The following TBC1D31 variants were observed in gnomAD, a reference collection of about 807,000 sequenced individuals.
The protein encoded by TBC1D31 is TBC1 domain family member 31.
Under a neutral mutation model 132.9 loss-of-function variants are expected in TBC1D31, and 99 were observed. The ratio of observed to expected loss-of-function variants is 0.74; its 90% CI spans 0.63 to 0.88. TBC1D31 has a LOEUF of 0.88. TBC1D31 is among the 40% of genes least tolerant of loss of function. TBC1D31 has a pLI of 0.00. For synonymous variants in TBC1D31, 385 were observed against 419.4 expected (o/e 0.92, Z 1.00); for missense variants, 1,134 against 1,256.6 (o/e 0.90, Z 1.48).
chr8:123,109,767 A>G (rs1311008826), intron 10 of TBC1D31, 147 bp downstream of exon 10: 3 of 684,374 alleles, frequency 4.4e-6, no homozygotes, highest in South Asian at 4.6e-5. Flanking sequence ...GTACATGCAC[A>G]TATATTACAT....
rs993036771 is a variant in TBC1D31 at position 123,128,443 on chromosome 8, T to C, written c.2047T>C (p.Phe683Leu). ...TCCAGTATTTAATCAATATCCAAAG[T>C]TTATTGTGGACTATCAAACACAGGA... ...QYPVFNQYPK[F>L]IVDYQTQERE... The change falls in exon 14 of 22, where the codon TTT becomes CTT. Residue 683 changes from phenylalanine (F) to leucine (L), a missense_variant. Coordinates refer to ENST00000287380, the MANE Select transcript of TBC1D31 (RefSeq NM_145647.4). The C allele has an allele frequency of 6.2e-7, 1 of 1,613,806 alleles. No homozygotes were observed. The highest frequency in any genetic ancestry group is 8.5e-7 in the Non-Finnish European group (1 of 1,179,858).
chr8:123,121,541 C>T (rs1586674429), intron 11 of TBC1D31, among the ~76,000 whole-genome samples: 2 of 152,196 alleles, frequency 1.3e-5, no homozygotes, highest in East Asian at 3.9e-4. Context: ...CGAGTTCTCG[C>T]TCAGTTAGTT....
chr8:123,144,204 CT>C (rs1335507101), intron 19 of TBC1D31, among the ~76,000 whole-genome samples: 2 of 151,946 alleles, frequency 1.3e-5, no homozygotes, highest in Non-Finnish European at 2.9e-5. Flanking sequence ...TTTTAGTTAC[CT>C]TCTGAGCTAA....
chr8:123,095,426 A>C (rs1415768795), intron 5 of TBC1D31, among the ~76,000 whole-genome samples: 1 of 152,228 alleles, frequency 6.6e-6, no homozygotes, highest in Non-Finnish European at 1.5e-5. Flanking sequence ...GTACAGTTGT[A>C]AAGGAAAGGC....
At chr8:123,116,892 A>G (rs1818966979) in intron 10 of TBC1D31, among the ~76,000 whole-genome samples, 1 of 152,228 alleles carries the variant, frequency 6.6e-6, no homozygotes, top group African/African-American at 2.4e-5. Flanking sequence ...TAAAGATATA[A>G]ATGAGGGAGA....
At chr8:123,119,531 T>A (rs1283007979) in intron 10 of TBC1D31, among the ~76,000 whole-genome samples, 1 of 152,130 alleles carries the variant, frequency 6.6e-6, no homozygotes, top group Admixed American at 6.6e-5. Context: ...GGTAATATAG[T>A]GAGACCCTGT....
chr8:123,093,001 G>A (rs984099014), intron 4 of TBC1D31, among the ~76,000 whole-genome samples: 1 of 151,734 alleles, frequency 6.6e-6, no homozygotes. Flanking sequence ...TAATAGAGAC[G>A]AGGTTTCACC....
At chr8:123,125,499 A>G (rs143171213) in intron 11 of TBC1D31, among the ~76,000 whole-genome samples, 14 of 152,360 alleles carry the variant, frequency 9.2e-5, no homozygotes, top group African/African-American at 2.4e-4. Context: ...TACCATGCTT[A>G]TAGAACAATC....
chr8:123,081,011 T>A (rs1461396128), intron 2 of TBC1D31, among the ~76,000 whole-genome samples: 1 of 152,178 alleles, frequency 6.6e-6, no homozygotes, highest in Non-Finnish European at 1.5e-5. Flanking sequence ...AAGCCCAGTA[T>A]ACTGGGCTCC....
chr8:123,119,521 G>A (rs943969633), intron 10 of TBC1D31, among the ~76,000 whole-genome samples: 1 of 152,148 alleles, frequency 6.6e-6, no homozygotes, highest in Non-Finnish European at 1.5e-5. Flanking sequence ...GACCAGCCTG[G>A]GTAATATAGT....
In TBC1D31 at chr8:123,077,186, T is replaced by G. The variant is rs1354881794; in HGVS notation, c.153T>G (p.Asp51Glu). Residue 51 changes from aspartate to glutamate, a missense_variant, in exon 2 of 22, where the codon GAT becomes GAG. By Grantham distance (45) the Asp-to-Glu change is conservative (BLOSUM62 2). Coordinates refer to ENST00000287380, the MANE Select transcript of TBC1D31 (RefSeq NM_145647.4). The stretch of plus-strand genomic sequence containing the variant: ...TGCGATTTTTGAATGTGGCTTTTGA[T>G]GGCACAGGCGACTGCTTAATTGCTG... ...KVLRFLNVAF[D>E]GTGDCLIAGD... 6.2e-7 allele frequency: 1 copy of G among 1,613,306 alleles called. No individual in the cohort carries two copies. The highest frequency in any genetic ancestry group is 8.5e-7 in the Non-Finnish European group (1 of 1,179,790).
chr8:123,142,244 T>G lies in TBC1D31; in HGVS notation c.2641-18T>G. 6.5e-7 allele frequency: 1 copy of G among 1,542,360 alleles called. No homozygotes were observed. The highest frequency in any genetic ancestry group is 2.1e-5 in the Admixed American group (1 of 47,078). ...TAGTAGTTTGACCTTGTTTCTGAAA[T>G]GTATAACTTTTTCCTAGGTGATTAA... On this transcript the variant is annotated intron_variant, in intron 18 of 21. Transcript: ENST00000287380.
intron 4 of TBC1D31, among the ~76,000 whole-genome samples, chr8:123,092,829 T>TTTTTTTTTTA (rs1816468384): frequency 6.8e-6 from 1 of 146,158 alleles, no homozygotes; most frequent in African/African-American, 2.5e-5. Flanking sequence ...TTTTTTTTTT[T>TTTTTTTTTTA]GAGACGAAGG....
chr8:123,081,695 C>T (rs1815171938), intron 2 of TBC1D31, among the ~76,000 whole-genome samples: 1 of 152,114 alleles, frequency 6.6e-6, no homozygotes, highest in Admixed American at 6.6e-5. Context: ...GCTGGGGAGG[C>T]CTCACAATCA....
intron 6 of TBC1D31, among the ~76,000 whole-genome samples, chr8:123,098,089 G>C (rs1048719429): frequency 6.6e-6 from 1 of 151,928 alleles, no homozygotes; most frequent in African/African-American, 2.4e-5. Flanking sequence ...GTATACATAT[G>C]CATGTATGTA....
rs936104872 is a variant in TBC1D31 at position 123,130,284 on chromosome 8, A to G, written c.2357A>G (p.Asp786Gly). The G allele has an allele frequency of 1.2e-6, 2 of 1,613,168 alleles. No individual in the cohort carries two copies. The highest frequency in any genetic ancestry group is 1.7e-6 in the Non-Finnish European group (2 of 1,179,490). ...AGGCGTTTTCTGAAGCTTCAGCAAG[A>G]TCAACAGGAAATGGAACTAAGAAGA... Reference protein sequence around the residue: ...ARRRFLKLQQDQQEMELRRLD... With the variant: ...ARRRFLKLQQGQQEMELRRLD... Residue 786 changes from aspartate (D) to glycine (G), a missense_variant, in exon 16 of 22, where the codon GAT (aspartate) becomes GGT (glycine). Asp to Gly is a moderately conservative substitution (Grantham distance 94). Transcript: ENST00000287380.
At chr8:123,138,090 C>T (rs1821269986) in intron 17 of TBC1D31, among the ~76,000 whole-genome samples, 1 of 152,136 alleles carries the variant, frequency 6.6e-6, no homozygotes, top group African/African-American at 2.4e-5. Flanking sequence ...TTTTAGAGTT[C>T]CATTGTTTCC....
intron 10 of TBC1D31, 65 bp downstream of exon 10, chr8:123,109,685 TCTC>T: frequency 4.3e-6 from 6 of 1,391,442 alleles, no homozygotes; most frequent in Non-Finnish European, 5.9e-6. Context: ...TGTTATAAAA[TCTC>T]CTGTTTATAA....
rs556862632 is a variant in TBC1D31 at position 123,094,729 on chromosome 8, G to A, written c.671+987G>A. On this transcript the variant is annotated intron_variant, in intron 5 of 21. Coordinates refer to ENST00000287380, the MANE Select transcript of TBC1D31 (RefSeq NM_145647.4). ...TAATTTTTGTATTTTTAGTAGAGAC[G>A]GGGGTTTCACCATGTTGGCCAGGCT... 6.6e-3 allele frequency among the ~76,000 whole-genome samples: 987 copies of A among 150,320 alleles called. 6 individuals carry two copies. The highest frequency in any genetic ancestry group is 0.023 in the African/African-American group (936 of 40,942).
Sources: allele counts gnomAD v4.1 joint callset (sites outside exome capture counted in the v4.1 genomes callset), GRCh38; gene constraint gnomAD v4.1.1; transcripts MANE v1.5; gene names NCBI Gene and HGNC (gene_info 2026-07-23, HGNC 2026-07-21).